Variants in MAST4 observed in about 807,000 individuals in gnomAD.
The protein encoded by MAST4 is microtubule-associated serine/threonine-protein kinase 4.
A neutral mutation model predicts 162.7 loss-of-function variants in MAST4; 89 were observed. The ratio of observed to expected loss-of-function variants is 0.55; its 90% CI spans 0.46 to 0.65. The LOEUF is 0.65. Ranked by LOEUF, MAST4 falls within the 30% of genes least tolerant of loss-of-function variation. MAST4 has a pLI of 0.00. For synonymous variants in MAST4, 1,479 were observed against 1,361.1 expected, an observed-to-expected ratio of 1.09 and a Z score of -1.91; for missense variants, 3,153 against 3,374.0, an observed-to-expected ratio of 0.93 and a Z score of 1.62.
chr5:66,669,243 C>T (rs550667589), intron 1 of MAST4, among the ~76,000 whole-genome samples: 1 of 152,144 alleles, frequency 6.6e-6, no homozygotes, highest in Admixed American at 6.5e-5. Context: ...TGCTCTGGGG[C>T]GGGGATGCTG....
At chr5:66,614,786 C>A (rs1238729839) in intron 1 of MAST4, among the ~76,000 whole-genome samples, 1 of 152,174 alleles carries the variant, frequency 6.6e-6, no homozygotes, top group African/African-American at 2.4e-5. Context: ...GAGCAGGGAC[C>A]TCACGGGACA....
chr5:66,904,325 T>A (rs1183369695), intron 4 of MAST4, among the ~76,000 whole-genome samples: 1 of 152,200 alleles, frequency 6.6e-6, no homozygotes, highest in Non-Finnish European at 1.5e-5. Context: ...ACAGAGAGGC[T>A]TCTTTTTTCA....
At chr5:66,871,115 C>T (rs1414423270) in intron 3 of MAST4, among the ~76,000 whole-genome samples, 2 of 148,562 alleles carry the variant, frequency 1.3e-5, no homozygotes, top group African/African-American at 5.0e-5. Flanking sequence ...ATACTCCCAC[C>T]CTGGCCAGTT....
At chr5:66,648,892 TC>T (rs1302280668) in intron 1 of MAST4, among the ~76,000 whole-genome samples, 1 of 152,196 alleles carries the variant, frequency 6.6e-6, no homozygotes, top group Non-Finnish European at 1.5e-5. Flanking sequence ...TTATGACCAT[TC>T]GGTATGAATT....
chr5:66,986,913 A>T (rs1749573816), intron 4 of MAST4, among the ~76,000 whole-genome samples: 2 of 152,088 alleles, frequency 1.3e-5, no homozygotes, highest in Non-Finnish European at 2.9e-5. Context: ...CGTCCAGCTA[A>T]ACGTGTCTAT....
intron 1 of MAST4, among the ~76,000 whole-genome samples, chr5:66,658,992 A>G (rs564539783): frequency 6.6e-6 from 1 of 152,322 alleles, no homozygotes; most frequent in East Asian, 1.9e-4. Context: ...ACTGCACTCC[A>G]GCCTGAGCGA....
intron 4 of MAST4, among the ~76,000 whole-genome samples, chr5:66,948,272 AG>A (rs1156541609): frequency 6.6e-6 from 1 of 152,146 alleles, no homozygotes; most frequent in African/African-American, 2.4e-5. Context: ...TTGGAGTGTG[AG>A]GATGATAAGA....
At position 67,139,609 on chromosome 5, in the gene MAST4, G is replaced by A. The variant is rs368662315; in HGVS notation, c.2495-2506G>A. 1.7e-4 allele frequency among the ~76,000 whole-genome samples: 26 copies of A among 152,298 alleles called. No homozygotes were observed. In the East Asian group the frequency reaches 2.7e-3, roughly 16 times the overall value. On this transcript the variant is annotated intron_variant, in intron 19 of 28. Coordinates refer to ENST00000403625, the MANE Select transcript of MAST4 (RefSeq NM_001164664.2). The stretch of plus-strand genomic sequence containing the variant: ...CACAGGATTATTGTGAGGAGTAAAT[G>A]CAAAAATGTTCATTAAGGTATCTAG...
chr5:66,864,794 A>C (rs1247187019), intron 3 of MAST4, among the ~76,000 whole-genome samples: 1 of 152,158 alleles, frequency 6.6e-6, no homozygotes, highest in African/African-American at 2.4e-5. Flanking sequence ...CAACATCTTC[A>C]TGTTAGACTT....
intron 5 of MAST4, among the ~76,000 whole-genome samples, chr5:67,069,881 A>AGTGTGTGTGTGTGTGT (rs200867949): frequency 2.7e-4 from 38 of 142,756 alleles, no homozygotes; most frequent in African/African-American, 5.8e-4. Context: ...TTTGAGAGAA[A>AGTGTGTGTGTGTGTGT]GTGTGTGTGT....
chr5:66,872,154 TG>T (rs1335989323), intron 3 of MAST4, among the ~76,000 whole-genome samples: 7 of 48,966 alleles, frequency 1.4e-4, no homozygotes, highest in Non-Finnish European at 6.9e-4. Context: ...ATAAATTTTT[TG>T]TTTGTTTGTT....
At chr5:66,667,630 T>C (rs142718293) in intron 1 of MAST4, among the ~76,000 whole-genome samples, 46 of 152,332 alleles carry the variant, frequency 3.0e-4, no homozygotes, top group Non-Finnish European at 6.2e-4. Context: ...TCCTTGTTGA[T>C]GCCGAGTTCC....
chr5:66,802,363 A>G (rs1435219075), intron 3 of MAST4, among the ~76,000 whole-genome samples: 1 of 152,328 alleles, frequency 6.6e-6, no homozygotes, highest in East Asian at 1.9e-4. Context: ...GGAATTTCAT[A>G]TAACTAAACT....
chr5:67,100,624 G>C (rs375191409), intron 8 of MAST4, 32 bp downstream of exon 8: 17 of 1,612,246 alleles, frequency 1.1e-5, no homozygotes, highest in Admixed American at 5.0e-5. Context: ...CCATTACTTA[G>C]TTGGATTCTC....
chr5:66,823,704 C>T lies in MAST4; in HGVS notation c.642+34910C>T, dbSNP rs201192420. Reference sequence around the variant, plus strand: ...CATGTTGGTCTCCAACCAACATGTTCGGCTGGTCTCGAACTCCTGACCTCA... The same window carrying T: ...CATGTTGGTCTCCAACCAACATGTTTGGCTGGTCTCGAACTCCTGACCTCA... On this transcript the variant is annotated intron_variant, in intron 3 of 28. Transcript: ENST00000403625. Among the ~76,000 whole-genome samples, 75 of 152,094 alleles carry T rather than the reference C, an allele frequency of 4.9e-4. 1 individual carries two copies. The East Asian group carries it at 0.011, about 22-fold the overall frequency.
At chr5:67,104,655 A>C in intron 10 of MAST4, 80 bp downstream of exon 10, 1 of 1,079,442 alleles carries the variant, frequency 9.3e-7, no homozygotes, top group Non-Finnish European at 1.4e-6. Flanking sequence ...ACAAGTTATA[A>C]CCATGAAATG....
intron 1 of MAST4, among the ~76,000 whole-genome samples, chr5:66,655,255 T>A (rs1442782168): frequency 6.6e-6 from 1 of 152,094 alleles, no homozygotes; most frequent in East Asian, 1.9e-4. Context: ...ATAAAAAAAA[T>A]TGGGGTTCAT....
rs749200956 is a variant in MAST4, at chr5:67,166,096, G to A, written c.6917G>A (p.Arg2306Lys). The A allele has an allele frequency of 2.9e-5, 46 of 1,612,414 alleles. No homozygotes were observed. The highest frequency in any genetic ancestry group is 3.9e-5 in the Non-Finnish European group (46 of 1,179,236). The part of the protein sequence containing the change: ...EVLEKPVHLP[R>K]PGHPGPSEPA... ...CTGGAGAAGCCTGTGCATTTGCCAA[G>A]GCCGGGACACCCAGGGCCTAGTGAG... Residue 2306 changes from arginine (R) to lysine (K), a missense_variant, in exon 29 of 29, where the codon AGG becomes AAG. Physicochemically the swap from Arg to Lys is conservative, Grantham distance 26. Transcript: ENST00000403625.
chr5:66,910,566 C>A (rs1477215948), intron 4 of MAST4, among the ~76,000 whole-genome samples: 1 of 152,056 alleles, frequency 6.6e-6, no homozygotes, highest in South Asian at 2.1e-4. Flanking sequence ...GATTTAAATT[C>A]TTCTTTTACT....
Sources: allele counts gnomAD v4.1 joint callset (sites outside exome capture counted in the v4.1 genomes callset), GRCh38; gene constraint gnomAD v4.1.1; transcripts MANE v1.5; gene names NCBI Gene and HGNC (gene_info 2026-07-23, HGNC 2026-07-21).